TMEM258: variants seen among roughly 807,000 people sequenced by gnomAD.
The protein encoded by TMEM258 is dolichyl-diphosphooligosaccharide--protein glycosyltransferase subunit TMEM258.
TMEM258 carries 11 observed loss-of-function variants against 9.9 expected under a neutral mutation model. The observed-to-expected ratio is 1.11, with a 90% CI of 0.70 to 1.85. TMEM258 has a LOEUF of 1.85. Ranked by LOEUF, TMEM258 falls within the 40% of genes most tolerant of loss-of-function variation. The pLI, the probability that TMEM258 is intolerant of heterozygous loss-of-function variation, is 0.00. For missense variants in TMEM258, 81 were observed against 99.7 expected (o/e 0.81, Z 0.80); for synonymous variants, 40 against 39.1 (o/e 1.02, Z -0.09).
chr11:61,789,636 A>C, intron 3 of TMEM258, 149 bp downstream of exon 3: 1 of 881,544 alleles, frequency 1.1e-6, no homozygotes, highest in Non-Finnish European at 1.7e-6. Flanking sequence ...ACAAATGTCT[A>C]GTGTCCCTAC....
chr11:61,790,124 A>G, intron 2 of TMEM258: 1 of 650,488 alleles, frequency 1.5e-6, no homozygotes, highest in Non-Finnish European at 2.5e-6. Flanking sequence ...CAGAGGAGTT[A>G]GGTCACTTGC....
At position 61,788,975 on chromosome 11, in the gene TMEM258, G is replaced by A. The variant is rs1468251965; in HGVS notation, c.*271C>T. Reference sequence around the variant, plus strand: ...CCACAGGTAAGCCTTAAATTCCAATGACAAAACACCGGTGCTACACAAATC... The same window carrying A: ...CCACAGGTAAGCCTTAAATTCCAATAACAAAACACCGGTGCTACACAAATC... On this transcript the variant is annotated 3_prime_UTR_variant, in exon 4 of 4. Coordinates refer to ENST00000537328, the MANE Select transcript of TMEM258 (RefSeq NM_014206.4). The A allele has an allele frequency of 6.6e-6, 1 of 152,174 alleles. No individual in the cohort carries two copies. 9.4% of individuals were successfully genotyped at this position (152,174 alleles called of 1,614,324 possible).
chr11:61,789,970 G>A (rs1231873235), intron 2 of TMEM258, 49 bp from the exon 3 acceptor site: 1 of 1,588,834 alleles, frequency 6.3e-7, no homozygotes, highest in Non-Finnish European at 8.6e-7. Context: ...GTGGAGTGCA[G>A]AGAGCCCAGC....
intron 2 of TMEM258, 44 bp downstream of exon 2, chr11:61,790,449 C>A (rs1394097706): frequency 1.3e-6 from 2 of 1,572,604 alleles, no homozygotes; most frequent in Non-Finnish European, 1.7e-6. Context: ...CTGAGCTTCC[C>A]ACATCACTAA....
intron 2 of TMEM258, 165 bp downstream of exon 2, chr11:61,790,328 G>T: frequency 1.5e-6 from 1 of 673,868 alleles, no homozygotes; most frequent in Non-Finnish European, 2.6e-6. Context: ...TGGGAAATAA[G>T]GCTATAACCT....
chr11:61,792,532 T>C (rs977577803), intron 1 of TMEM258, 24 bp downstream of exon 1: 20 of 1,613,958 alleles, frequency 1.2e-5, no homozygotes, highest in Non-Finnish European at 1.6e-5. Context: ...CATCTCCGTC[T>C]GGAACTCCCC....
At chr11:61,790,654 T>G in intron 1 of TMEM258, 52 bp from the exon 2 acceptor site, 1 of 1,512,326 alleles carries the variant, frequency 6.6e-7, no homozygotes, top group Non-Finnish European at 9.1e-7. Flanking sequence ...GATTTCAGCC[T>G]GGAGAGAACA....
intron 1 of TMEM258, 88 bp from the exon 2 acceptor site, chr11:61,790,690 G>A (rs2066777812): frequency 8.6e-7 from 1 of 1,161,222 alleles, no homozygotes; most frequent in Non-Finnish European, 1.2e-6. Context: ...GCCTGGTGCT[G>A]CCGTGAAACA....
intron 3 of TMEM258, 198 bp downstream of exon 3, chr11:61,789,587 C>T: frequency 1.7e-6 from 1 of 599,134 alleles, no homozygotes; most frequent in Non-Finnish European, 2.8e-6. Flanking sequence ...CTGAGAGTCA[C>T]ATTTGGCTCA....
Position 61,790,582 on chromosome 11 carries a change from T to C in TMEM258, c.24A>G (p.Arg8=). The C allele has an allele frequency of 6.2e-7, 1 of 1,614,012 alleles. No individual in the cohort carries two copies. Among genetic ancestry groups the C allele is most frequent in the African/African-American group, 1.3e-5 (1 of 75,030 alleles). The change falls in exon 2 of 4, where the codon AGA becomes AGG. Residue 8 remains arginine (R), a synonymous_variant. Coordinates refer to ENST00000537328, the MANE Select transcript of TMEM258 (RefSeq NM_014206.4). MELEAMS[R]YTSPVNPAVF... ...CAGCTGGGTTCACTGGGCTGGTATATCTGCTCATGGCCTCGAGCTCCTAGA... is the reference window on the plus strand; with the variant it reads ...CAGCTGGGTTCACTGGGCTGGTATACCTGCTCATGGCCTCGAGCTCCTAGA...
chr11:61,790,568 A>T lies in TMEM258; in HGVS notation c.38T>A (p.Val13Glu). ...CAGATGGGGGAAGACAGCTGGGTTC[A>T]CTGGGCTGGTATATCTGCTCATGGC... ...LEAMSRYTSP[V>E]NPAVFPHLTV... The change falls in exon 2 of 4, where the codon GTG (valine) becomes GAG (glutamate). Residue 13 changes from valine to glutamate, a missense_variant. Val to Glu is a moderately radical substitution (Grantham distance 121). Transcript: ENST00000537328. 1.9e-6 allele frequency: 3 copies of T among 1,614,136 alleles called. No individual in the cohort carries two copies. Among genetic ancestry groups the T allele is most frequent in the Non-Finnish European group, 2.5e-6 (3 of 1,180,008 alleles).
intron 1 of TMEM258, chr11:61,791,955 T>G (rs2066787697): frequency 6.5e-6 from 1 of 152,786 alleles, no homozygotes; most frequent in Non-Finnish European, 1.5e-5. Flanking sequence ...GGAATTCAAT[T>G]CAGTAAACAA....
At chr11:61,790,064 A>G in intron 2 of TMEM258, 143 bp from the exon 3 acceptor site, 1 of 1,019,082 alleles carries the variant, frequency 9.8e-7, no homozygotes, top group Admixed American at 2.9e-5. Context: ...AGAGGGGCCT[A>G]AGAGATGCCT....
rs541201158 is a variant in TMEM258 at position 61,790,592 on chromosome 11, G to C, written c.14C>G (p.Ala5Gly). The change falls in exon 2 of 4, where the codon GCC (alanine) becomes GGC (glycine). Residue 5 changes from alanine (A) to glycine (G), a missense_variant. Ala to Gly is a moderately conservative substitution (Grantham distance 60). Transcript: ENST00000537328. ...CACTGGGCTGGTATATCTGCTCATG[G>C]CCTCGAGCTCCTAGAGGAGGGAAAG... is the stretch of plus-strand genomic sequence containing the variant. MELE[A>G]MSRYTSPVNP... is the part of the protein sequence containing the mutation. 3.1e-6 allele frequency: 5 copies of C among 1,613,622 alleles called. No homozygotes were observed. The highest frequency in any genetic ancestry group is 1.7e-5 in the Admixed American group (1 of 59,956).
intron 2 of TMEM258, 190 bp downstream of exon 2, chr11:61,790,301 CTG>C (rs1352640114): frequency 1.6e-6 from 1 of 620,280 alleles, no homozygotes. Context: ...AAAGAACAAA[CTG>C]AGCTCACCTG....
intron 1 of TMEM258, chr11:61,791,456 G>A (rs931948806): frequency 6.6e-6 from 1 of 152,028 alleles, no homozygotes; most frequent in Non-Finnish European, 1.5e-5. Context: ...GAGAGACAGG[G>A]TTTCACCTTG....
intron 2 of TMEM258, 121 bp downstream of exon 2, chr11:61,790,369 CCTT>C (rs758391642): frequency 1.1e-5 from 10 of 876,556 alleles, no homozygotes; most frequent in Non-Finnish European, 1.7e-5. Context: ...CTCCTCTCCT[CCTT>C]ACCTTCTCTC....
chr11:61,791,075 TC>T (rs1688867909), intron 1 of TMEM258, among the ~76,000 whole-genome samples: 1 of 151,124 alleles, frequency 6.6e-6, no homozygotes, highest in African/African-American at 2.4e-5. Flanking sequence ...CCTCAGCCTC[TC>T]GAGTAGCTGG....
intron 3 of TMEM258, 157 bp downstream of exon 3, chr11:61,789,628 A>C (rs2066766748): frequency 1.2e-6 from 1 of 840,604 alleles, no homozygotes; most frequent in African/African-American, 1.7e-5. Context: ...AAAGAGGCAC[A>C]AATGTCTAGT....
Sources: gnomAD v4.1 joint callset for allele counts (sites outside exome capture counted in the v4.1 genomes callset) on GRCh38, gnomAD v4.1.1 for gene constraint, MANE v1.5 for transcripts, NCBI Gene and HGNC (gene_info 2026-07-23, HGNC 2026-07-21) for gene names.